KLF12: variants seen among roughly 807,000 people sequenced by gnomAD.
KLF12 encodes Krueppel-like factor 12.
A neutral mutation model predicts 37.8 loss-of-function variants in KLF12; 9 were observed. The ratio of observed to expected loss-of-function variants is 0.24; its 90% confidence interval spans 0.14 to 0.42. The LOEUF is 0.42. KLF12 is among the 10% of genes least tolerant of loss of function. The probability of loss-of-function intolerance (pLI) is 1.00; values close to 1 mark genes in which losing one functional copy is unlikely to be tolerated. For missense variants in KLF12, 411 were observed against 516.0 expected, an observed-to-expected ratio of 0.80 and a Z score of 1.97; for synonymous variants, 208 against 202.1, an observed-to-expected ratio of 1.03 and a Z score of -0.25.
chr13:74,043,308 G>A (rs925266724), intron 1 of KLF12, among the ~76,000 whole-genome samples: 1 of 152,166 alleles, frequency 6.6e-6, no homozygotes, highest in African/African-American at 2.4e-5. Context: ...AGTAAATATG[G>A]TTATGGGGAT....
intron 3 of KLF12, among the ~76,000 whole-genome samples, chr13:73,851,214 A>G (rs1015537453): frequency 1.8e-4 from 27 of 152,204 alleles, no homozygotes; most frequent in Admixed American, 2.6e-4. Flanking sequence ...AACTTACTCT[A>G]TTACTAAAAC....
At chr13:74,085,292 A>G (rs553529660) in intron 1 of KLF12, among the ~76,000 whole-genome samples, 1 of 152,346 alleles carries the variant, frequency 6.6e-6, no homozygotes, top group East Asian at 1.9e-4. Context: ...GGTCATATAA[A>G]ATAATGTTAA....
At chr13:73,946,482 T>C (rs547478878) in intron 2 of KLF12, among the ~76,000 whole-genome samples, 2 of 152,354 alleles carry the variant, frequency 1.3e-5, no homozygotes, top group South Asian at 4.1e-4. Context: ...CACATTTAAG[T>C]ATCACTATAT....
chr13:73,862,241 T>C (rs1343693651), intron 3 of KLF12, among the ~76,000 whole-genome samples: 1 of 152,114 alleles, frequency 6.6e-6, no homozygotes, highest in African/African-American at 2.4e-5. Context: ...TTTTACAACA[T>C]GTAAAGGGGA....
chr13:73,780,097 G>A (rs976820563), intron 5 of KLF12, among the ~76,000 whole-genome samples: 2 of 152,254 alleles, frequency 1.3e-5, no homozygotes, highest in East Asian at 3.9e-4. Context: ...TTAAAAGTGG[G>A]GCCTGAAGAT....
chr13:73,777,930 G>A (rs1381831867), intron 5 of KLF12, among the ~76,000 whole-genome samples: 8 of 151,458 alleles, frequency 5.3e-5, no homozygotes, highest in East Asian at 2.0e-4. Flanking sequence ...TCAGGAGTTC[G>A]AGACCAGCCT....
At chr13:73,860,283 C>T (rs899561286) in intron 3 of KLF12, among the ~76,000 whole-genome samples, 2 of 152,216 alleles carry the variant, frequency 1.3e-5, no homozygotes, top group African/African-American at 4.8e-5. Context: ...GCTTCTTTCT[C>T]TTACGAGGCG....
At chr13:73,697,803 C>T (rs979551024) in intron 7 of KLF12, among the ~76,000 whole-genome samples, 7 of 151,976 alleles carry the variant, frequency 4.6e-5, no homozygotes, top group Admixed American at 1.3e-4. Context: ...TGGAGATGAG[C>T]GTTGCTCAGT....
At chr13:73,999,826 G>A (rs965555127) in intron 1 of KLF12, among the ~76,000 whole-genome samples, 11 of 152,116 alleles carry the variant, frequency 7.2e-5, no homozygotes, top group Admixed American at 6.5e-4. Flanking sequence ...GTGACAATAC[G>A]GAAGTTTCAG....
intron 3 of KLF12, among the ~76,000 whole-genome samples, chr13:73,847,064 G>A (rs1055422195): frequency 2.0e-5 from 3 of 152,036 alleles, no homozygotes; most frequent in Non-Finnish European, 4.4e-5. Context: ...GTTTTAATGA[G>A]CAAAATTTGA....
At chr13:74,018,747 T>C (rs1256515833) in intron 1 of KLF12, among the ~76,000 whole-genome samples, 3 of 152,208 alleles carry the variant, frequency 2.0e-5, no homozygotes, top group Non-Finnish European at 4.4e-5. Context: ...TATATATATA[T>C]AATTTCCACA....
intron 2 of KLF12, among the ~76,000 whole-genome samples, chr13:73,972,576 C>A (rs967829011): frequency 6.7e-6 from 1 of 148,482 alleles, no homozygotes; most frequent in Non-Finnish European, 1.5e-5. Context: ...TTATAAACCA[C>A]AAATTTCAGT....
intron 3 of KLF12, among the ~76,000 whole-genome samples, chr13:73,931,721 A>T (rs1310471331): frequency 6.6e-6 from 1 of 152,114 alleles, no homozygotes; most frequent in African/African-American, 2.4e-5. Context: ...TATAATGCTG[A>T]TTGGGGAAAA....
At chr13:74,188,980 T>C in the KLF12 span, among the ~76,000 whole-genome samples, 16 of 152,184 alleles carry the variant, frequency 1.1e-4, no homozygotes, top group South Asian at 1.9e-3. Context: ...CTGGGGGTTC[T>C]TGAGACAGCA....
At chr13:73,974,262 C>T (rs1485005228) in intron 2 of KLF12, among the ~76,000 whole-genome samples, 1 of 146,604 alleles carries the variant, frequency 6.8e-6, no homozygotes, top group Non-Finnish European at 1.5e-5. Context: ...AAAATTGTTA[C>T]AGAATGATCC....
intron 2 of KLF12, chr13:73,960,345 T>C (rs987018631): frequency 7.8e-5 from 22 of 282,762 alleles, no homozygotes; most frequent in African/African-American, 3.7e-4. Flanking sequence ...TTGGAGCTGA[T>C]AGAACATGGA....
At chr13:73,775,859 T>A (rs998518090) in intron 5 of KLF12, among the ~76,000 whole-genome samples, 9 of 152,222 alleles carry the variant, frequency 5.9e-5, no homozygotes, top group African/African-American at 2.2e-4. Context: ...AATACAGACA[T>A]TCTGTCACCT....
At chr13:74,183,518 A>T in the KLF12 span, among the ~76,000 whole-genome samples, 3 of 151,790 alleles carry the variant, frequency 2.0e-5, no homozygotes, top group Non-Finnish European at 4.4e-5. Flanking sequence ...ATCACAAGGA[A>T]TTTTTTTTTC....
chr13:73,806,260 C>T (rs542153069), intron 5 of KLF12, among the ~76,000 whole-genome samples: 14 of 151,994 alleles, frequency 9.2e-5, no homozygotes, highest in South Asian at 2.1e-4. Context: ...CCTGCCACCA[C>T]GCTCGGCTAA....
Sources: allele counts gnomAD v4.1 joint callset (sites outside exome capture counted in the v4.1 genomes callset), GRCh38; gene constraint gnomAD v4.1.1; transcripts MANE v1.5; gene names NCBI Gene and HGNC (gene_info 2026-07-23, HGNC 2026-07-21).